The following ATG9B variants were observed in gnomAD, a reference collection of about 807,000 sequenced individuals.
ATG9B encodes the protein autophagy related 9B, also known as autophagy-related protein 9B.
ATG9B carries 92 observed loss-of-function variants against 92.9 expected under a neutral mutation model. The observed-to-expected ratio is 0.99, with a 90% CI of 0.84 to 1.18. ATG9B has a LOEUF of 1.18. Ranked by LOEUF, ATG9B falls within the 50% of genes most tolerant of loss-of-function variation. The probability of loss-of-function intolerance (pLI) is 0.00; values close to 1 mark genes in which losing one functional copy is unlikely to be tolerated. For synonymous variants in ATG9B, 599 were observed against 551.4 expected (o/e 1.09, Z -1.21); for missense variants, 1,344 against 1,235.0 (o/e 1.09, Z -1.32).
chr7:151,014,083 C>T (rs1307679126), downstream of ATG9B: 1 of 1,613,792 alleles, frequency 6.2e-7, no homozygotes, highest in Non-Finnish European at 8.5e-7. Context: ...CATACGCACC[C>T]AGAGCTTTTC....
At chr7:151,013,679 GC>G (rs1357769202), downstream of ATG9B, 1 of 723,602 alleles carries the variant, frequency 1.4e-6, no homozygotes, top group Non-Finnish European at 2.2e-6. Context: ...CTGCGCCCCC[GC>G]GCCCACCCCC....
Position 151,021,262 on chromosome 7 carries a change from G to T in ATG9B, c.889C>A (p.Leu297Ile), listed in dbSNP as rs766006835. 2 of 1,613,506 alleles carry T rather than the reference G, an allele frequency of 1.2e-6. No individual in the cohort carries two copies. Among genetic ancestry groups the T allele is most frequent in the Admixed American group, 3.3e-5 (2 of 60,008 alleles). ...LAAGFWLVQL[L>I]RSVCNLFSYW... is the part of the protein sequence containing the mutation. ...CTGAAGAGGTTGCAGACTGAGCGAA[G>T]CAGTTGGACCAGCCAGAAGCCGGCA... Residue 297 changes from leucine (L) to isoleucine (I), a missense_variant, in exon 5 of 14, where the codon CTT becomes ATT. Coordinates refer to ENST00000639579, the MANE Select transcript of ATG9B (RefSeq NM_001317056.2).
At chr7:151,014,261 G>T (rs1795390840), downstream of ATG9B, 1 of 1,288,204 alleles carries the variant, frequency 7.8e-7, no homozygotes, top group Admixed American at 2.3e-5. Flanking sequence ...CCCCTCTTGA[G>T]GTGGTGCCTT....
At position 151,022,925 on chromosome 7, in the gene ATG9B, CCTAAGACCAA is replaced by C; in HGVS notation, c.821+110_821+119del. On this transcript the variant is annotated intron_variant, in intron 4 of 13. Coordinates refer to ENST00000639579, the MANE Select transcript of ATG9B (RefSeq NM_001317056.2). Reference sequence around the variant, plus strand: ...AAAGTATATTAAGTGTATTTTTGGTCCTAAGACCAAAAGCTTTGAGAACTGCTGATCTAGA... The same window carrying C: ...AAAGTATATTAAGTGTATTTTTGGTCAAGCTTTGAGAACTGCTGATCTAGA... 2.2e-6 allele frequency: 3 copies of C among 1,352,890 alleles called. No homozygotes were observed. The South Asian group carries it at 4.0e-5, about 18-fold the overall frequency. 83.8% of individuals were successfully genotyped at this position (1,352,890 alleles called of 1,614,324 possible).
chr7:151,013,540 A>C (rs115888621), downstream of ATG9B: 14,565 of 1,125,910 alleles, frequency 0.013, 1,396 homozygotes, highest in African/African-American at 0.2. Flanking sequence ...CGGCCCCTCT[A>C]GGCCCGCCTC....
chr7:151,013,593 A>G, downstream of ATG9B: 1 of 975,838 alleles, frequency 1.0e-6, no homozygotes, highest in Non-Finnish European at 1.4e-6. Flanking sequence ...CCCTGTTGAC[A>G]CCGCCCCAGG....
At chr7:151,016,305 C>T in intron 11 of ATG9B, 70 bp from the exon 12 acceptor site, 1 of 1,478,562 alleles carries the variant, frequency 6.8e-7, no homozygotes, top group Admixed American at 2.3e-5. Flanking sequence ...GGGCTAGAGG[C>T]AGAGGGCTTT....
rs780312284 is a variant in ATG9B at position 151,018,947 on chromosome 7, C to T, written c.1391G>A (p.Ser464Asn). ...CTCGCGCCGCAGCAGCTCCACGTGG[C>T]TATAGAAGACGTGCAGAACCTGCCA... The part of the protein sequence containing the change: ...LAWQVLHVFY[S>N]HVELLRREPG... The change falls in exon 6 of 14, where the codon AGC becomes AAC. Residue 464 changes from serine (S) to asparagine (N), a missense_variant. Coordinates refer to ENST00000639579, the MANE Select transcript of ATG9B (RefSeq NM_001317056.2). The surrounding 1 kb of genome is among the most constrained non-coding windows in gnomAD (Gnocchi z 4.7). 1.9e-6 allele frequency: 3 copies of T among 1,568,634 alleles called. No homozygotes were observed. Among genetic ancestry groups the T allele is most frequent in the African/African-American group, 1.4e-5 (1 of 71,828 alleles).
Position 151,018,473 on chromosome 7 carries a change from AG to A in ATG9B, c.1719-27del. 6.6e-7 allele frequency: 1 copy of A among 1,519,994 alleles called. No individual in the cohort carries two copies. Among genetic ancestry groups the A allele is most frequent in the Non-Finnish European group, 8.8e-7 (1 of 1,134,916 alleles). 94.2% of individuals were successfully genotyped at this position (1,519,994 alleles called of 1,614,324 possible). A position where few individuals can be genotyped will look rare whatever the true frequency, so the allele number is the denominator to read the frequency against. ...CTGAAAGGCGGGATCCGTGGGGGGA[AG>A]GGGCCTGCGATTAGGAGGACGCGCG... On this transcript the variant is annotated intron_variant, in intron 6 of 13. Transcript: ENST00000639579. The surrounding 1 kb of genome is among the most constrained non-coding windows in gnomAD (Gnocchi z 4.7).
chr7:151,022,427 T>G (rs1033950231), intron 4 of ATG9B, among the ~76,000 whole-genome samples: 3 of 149,920 alleles, frequency 2.0e-5, no homozygotes, highest in Non-Finnish European at 1.5e-5. Flanking sequence ...TGAACCACTA[T>G]GCCCGGCCTA....
chr7:151,013,852 G>A (rs764175023), downstream of ATG9B: 4 of 1,604,326 alleles, frequency 2.5e-6, no homozygotes, highest in East Asian at 4.5e-5. Context: ...AGACCGTGCA[G>A]CGCATCCTGG....
At chr7:151,023,634 A>G in intron 2 of ATG9B, 53 bp downstream of exon 2, 3 of 1,611,292 alleles carry the variant, frequency 1.9e-6, no homozygotes, top group Non-Finnish European at 2.5e-6. Flanking sequence ...GAACAGTGCC[A>G]GCTCCAAGAG....
At position 151,023,274 on chromosome 7, in the gene ATG9B, C is replaced by G; in HGVS notation, c.660-68G>C. 3 of 1,609,100 alleles carry G rather than the reference C, an allele frequency of 1.9e-6. No homozygotes were observed. In the South Asian group the frequency reaches 3.3e-5, roughly 18 times the overall value. On this transcript the variant is annotated intron_variant, in intron 3 of 13. Coordinates refer to ENST00000639579, the MANE Select transcript of ATG9B (RefSeq NM_001317056.2). ...GGGACAGCCAGGTGGGCTCCTGCCC[C>G]AGCCCCCAGAGCAGCCCATGGTTAT...
At position 151,021,168 on chromosome 7, in the gene ATG9B, G is replaced by C. The variant is rs968953767; in HGVS notation, c.963+20C>G. ...ACCCTCTCACGGCACCCTCTGCACA[G>C]ACACAGCCACCCAGCTCACCGGGGG... On this transcript the variant is annotated intron_variant, in intron 5 of 13. Coordinates refer to ENST00000639579, the MANE Select transcript of ATG9B (RefSeq NM_001317056.2). 3 of 1,612,560 alleles carry C rather than the reference G, an allele frequency of 1.9e-6. No homozygotes were observed. In the African/African-American group the frequency reaches 4.0e-5, roughly 22 times the overall value.
In ATG9B at chr7:151,015,676, C is replaced by T. The variant is rs1355064709; in HGVS notation, c.*52G>A. ...AATGACTCCTTGTGTTTTTCTACTC[C>T]ACCCTCCAATCTCCTGTGGCTGCCG... On this transcript the variant is annotated 3_prime_UTR_variant, in exon 14 of 14. Coordinates refer to ENST00000639579, the MANE Select transcript of ATG9B (RefSeq NM_001317056.2). 1.7e-6 allele frequency: 1 copy of T among 574,112 alleles called. No homozygotes were observed. The highest frequency in any genetic ancestry group is 2.8e-6 in the Non-Finnish European group (1 of 363,504). 35.6% of individuals were successfully genotyped at this position (574,112 alleles called of 1,614,324 possible). A position where few individuals can be genotyped will look rare whatever the true frequency, so the allele number is the denominator to read the frequency against.
chr7:151,020,974 A>ATTT (rs1228955702), intron 5 of ATG9B: 4 of 523,748 alleles, frequency 7.6e-6, no homozygotes, highest in Non-Finnish European at 1.3e-5. Context: ...AGCCATCTAA[A>ATTT]TAAACTAAAC....
In ATG9B at chr7:151,017,158, G is replaced by A. The variant is rs1262294083; in HGVS notation, c.2167C>T (p.His723Tyr). 1.2e-6 allele frequency: 2 copies of A among 1,613,170 alleles called. No individual in the cohort carries two copies. The highest frequency in any genetic ancestry group is 1.7e-5 in the Admixed American group (1 of 59,964). The change falls in exon 9 of 14, where the codon CAC (histidine) becomes TAC (tyrosine). Residue 723 changes from histidine (H) to tyrosine (Y), a missense_variant. Coordinates refer to ENST00000639579, the MANE Select transcript of ATG9B (RefSeq NM_001317056.2). ...AGGTGCCCAAGAAACTTAGAGCTGT[G>A]CCCTGGGGGGCGCCAGAGTGGATGC... ...LAHPLWRPPGHSSKFLGHLWG... is the reference protein window; with the variant it reads ...LAHPLWRPPGYSSKFLGHLWG...
downstream of ATG9B, chr7:151,013,678 CG>C: frequency 1.4e-5 from 21 of 1,451,822 alleles, no homozygotes; most frequent in Non-Finnish European, 1.7e-5. Context: ...GCTGCGCCCC[CG>C]CGCCCACCCC....
chr7:151,019,292 GGCTGCACGCACAGGCCCCCGCTCC>G lies in ATG9B; in HGVS notation c.1022_1045del (p.Arg341_Gln348del), dbSNP rs1795660585. On this transcript the variant is annotated inframe_deletion, in exon 6 of 14. Coordinates refer to ENST00000639579, the MANE Select transcript of ATG9B (RefSeq NM_001317056.2). The stretch of plus-strand genomic sequence containing the variant: ...GATGTCCAGCTCCGTCAGGGGCCGC[GGCTGCACGCACAGGCCCCCGCTCC>G]GCTGCAGTGCCAAGAGGCGGGACTG... The G allele has an allele frequency of 2.5e-6, 4 of 1,589,798 alleles. No individual in the cohort carries two copies. In the South Asian group the frequency reaches 4.5e-5, roughly 18 times the overall value.
Sources: gnomAD v4.1 joint callset for allele counts (sites outside exome capture counted in the v4.1 genomes callset) on GRCh38, gnomAD v4.1.1 for gene constraint, Gnocchi (gnomAD v3.1) non-coding constraint, MANE v1.5 for transcripts, NCBI Gene and HGNC (gene_info 2026-07-23, HGNC 2026-07-21) for gene names.